The following TMEM267 variants were observed in gnomAD, a reference collection of about 807,000 sequenced individuals.
TMEM267 encodes the protein transmembrane protein C5orf28.
A neutral mutation model predicts 19.3 loss-of-function variants in TMEM267; 20 were observed. The ratio of observed to expected loss-of-function variants is 1.04; its 90% CI spans 0.73 to 1.51. TMEM267 has a LOEUF of 1.51. Ranked by LOEUF, TMEM267 falls within the 40% of genes most tolerant of loss-of-function variation. The probability of loss-of-function intolerance (pLI) is 0.00; values close to 1 mark genes in which losing one functional copy is unlikely to be tolerated. For synonymous variants in TMEM267, 88 were observed against 90.3 expected (o/e 0.97, Z 0.15); for missense variants, 242 against 261.9 (o/e 0.92, Z 0.52).
rs145522841 is a variant in TMEM267 at position 43,450,069 on chromosome 5, A to G, written c.313-3512T>C. Among the ~76,000 whole-genome samples, 97 of 150,970 alleles carry G rather than the reference A, an allele frequency of 6.4e-4. No homozygotes were observed. In the East Asian group the frequency reaches 0.015, roughly 24 times the overall value. ...GAGTATAGTGGCACAATCTTAGCTCACTGTAACCTCAAACTCCTGGGCTCA... is the reference window on the plus strand; with the variant it reads ...GAGTATAGTGGCACAATCTTAGCTCGCTGTAACCTCAAACTCCTGGGCTCA... On this transcript the variant is annotated intron_variant, in intron 2 of 2. Transcript: ENST00000397080.
chr5:43,447,731 T>G (rs1413390983), intron 2 of TMEM267, among the ~76,000 whole-genome samples: 1 of 152,194 alleles, frequency 6.6e-6, no homozygotes, highest in African/African-American at 2.4e-5. Context: ...CAGTGGGTTC[T>G]CTCTCTCACA....
intron 1 of TMEM267, among the ~76,000 whole-genome samples, chr5:43,458,205 A>C (rs1743061821): frequency 6.6e-6 from 1 of 151,932 alleles, no homozygotes. Context: ...GGCTCATGAG[A>C]TCCCCCTGCC....
rs577399313 is a variant in TMEM267 at position 43,474,643 on chromosome 5, C to T, written c.-75+9179G>A. On this transcript the variant is annotated intron_variant, in intron 1 of 2. Coordinates refer to ENST00000397080, the MANE Select transcript of TMEM267 (RefSeq NM_022483.5). ...GCGTGGTGGTGCATGCTTGTAATCC[C>T]GGCTACTCGGGAGGATGAGGCAGGA... is the stretch of plus-strand genomic sequence containing the variant. 7.9e-5 allele frequency among the ~76,000 whole-genome samples: 12 copies of T among 151,788 alleles called. No homozygotes were observed. In the South Asian group the frequency reaches 8.3e-4, roughly 11 times the overall value.
intron 2 of TMEM267, 76 bp from the exon 3 acceptor site, chr5:43,446,633 TA>T: frequency 1.1e-6 from 1 of 920,042 alleles, no homozygotes; most frequent in African/African-American, 1.7e-5. Flanking sequence ...CTTAATATTT[TA>T]AAATATTTTC....
intron 1 of TMEM267, among the ~76,000 whole-genome samples, chr5:43,467,890 T>A (rs191677090): frequency 3.6e-4 from 55 of 152,298 alleles, no homozygotes; most frequent in Non-Finnish European, 5.6e-4. Context: ...ACCTGTGACC[T>A]GGAAGCCCTC....
intron 2 of TMEM267, among the ~76,000 whole-genome samples, chr5:43,449,652 T>C (rs1742463115): frequency 6.6e-6 from 1 of 152,132 alleles, no homozygotes; most frequent in Non-Finnish European, 1.5e-5. Context: ...ATTGGATTTC[T>C]CCCCCCAACA....
chr5:43,462,577 A>C (rs1027142019), intron 1 of TMEM267, among the ~76,000 whole-genome samples: 2 of 152,216 alleles, frequency 1.3e-5, no homozygotes, highest in African/African-American at 2.4e-5. Context: ...GATAAATTTA[A>C]CAAAAAGATT....
chr5:43,461,943 T>A (rs1051487179), intron 1 of TMEM267, among the ~76,000 whole-genome samples: 3 of 152,124 alleles, frequency 2.0e-5, no homozygotes, highest in East Asian at 3.9e-4. Context: ...ACAGCAAACA[T>A]AGGCAGTAGC....
At chr5:43,450,701 A>C (rs907598744) in intron 2 of TMEM267, among the ~76,000 whole-genome samples, 2 of 152,244 alleles carry the variant, frequency 1.3e-5, no homozygotes, top group South Asian at 2.1e-4. Flanking sequence ...TAAAGGATAA[A>C]TACGTTATGC....
At chr5:43,477,146 C>T (rs1387343542) in intron 1 of TMEM267, among the ~76,000 whole-genome samples, 3 of 151,966 alleles carry the variant, frequency 2.0e-5, no homozygotes, top group Non-Finnish European at 2.9e-5. Context: ...AAACTACGAT[C>T]GCCCTACTGC....
intron 1 of TMEM267, among the ~76,000 whole-genome samples, chr5:43,481,508 CATG>C (rs1292568594): frequency 1.3e-5 from 2 of 152,118 alleles, no homozygotes; most frequent in Non-Finnish European, 2.9e-5. Context: ...GAAGTATTTA[CATG>C]ATGATCCAAA....
Position 43,444,651 on chromosome 5 carries a change from A to C in TMEM267, c.*1571T>G, listed in dbSNP as rs2111982541. 1 of 152,260 alleles carries C rather than the reference A, an allele frequency of 6.6e-6. No homozygotes were observed. Among genetic ancestry groups the C allele is most frequent in the East Asian group, 1.9e-4 (1 of 5,190 alleles). 9.4% of individuals were successfully genotyped at this position (152,260 alleles called of 1,614,324 possible). A position where few individuals can be genotyped will look rare whatever the true frequency, so the allele number is the denominator to read the frequency against. On this transcript the variant is annotated 3_prime_UTR_variant, in exon 3 of 3. Coordinates refer to ENST00000397080, the MANE Select transcript of TMEM267 (RefSeq NM_022483.5). ...TTTAATATGAAGAAAGAAAAAGTAG[A>C]AAAGGTTTTGCAATTTAGTCAGGAA...
At chr5:43,480,929 C>A (rs1744724623) in intron 1 of TMEM267, among the ~76,000 whole-genome samples, 1 of 150,020 alleles carries the variant, frequency 6.7e-6, no homozygotes, top group East Asian at 2.0e-4. Context: ...CTCAGCCTCC[C>A]GAGTAGCTGG....
At chr5:43,463,028 C>G (rs1052061133) in intron 1 of TMEM267, among the ~76,000 whole-genome samples, 9 of 151,778 alleles carry the variant, frequency 5.9e-5, no homozygotes, top group African/African-American at 2.2e-4. Flanking sequence ...CCAACAAAAT[C>G]GATAGACCGC....
At chr5:43,466,049 T>C (rs1052579869) in intron 1 of TMEM267, among the ~76,000 whole-genome samples, 1 of 152,016 alleles carries the variant, frequency 6.6e-6, no homozygotes, top group Non-Finnish European at 1.5e-5. Context: ...TTATTGGCTG[T>C]AAAGATGAGA....
At chr5:43,468,188 T>C (rs1743861194) in intron 1 of TMEM267, among the ~76,000 whole-genome samples, 1 of 152,126 alleles carries the variant, frequency 6.6e-6, no homozygotes, top group Non-Finnish European at 1.5e-5. Flanking sequence ...GTTAAAAGGA[T>C]AAATGGTTAC....
At chr5:43,463,607 T>C (rs1193067602) in intron 1 of TMEM267, among the ~76,000 whole-genome samples, 1 of 152,180 alleles carries the variant, frequency 6.6e-6, no homozygotes, top group East Asian at 1.9e-4. Flanking sequence ...CAGCCCACCA[T>C]GATCAAGTGG....
chr5:43,464,822 C>G (rs1743535925), intron 1 of TMEM267, among the ~76,000 whole-genome samples: 1 of 152,178 alleles, frequency 6.6e-6, no homozygotes, highest in Non-Finnish European at 1.5e-5. Context: ...GGATTAAAGA[C>G]TTAAGTGTTA....
chr5:43,465,354 C>T (rs1260624473), intron 1 of TMEM267, among the ~76,000 whole-genome samples: 2 of 152,238 alleles, frequency 1.3e-5, no homozygotes, highest in Non-Finnish European at 2.9e-5. Flanking sequence ...GACACTTTTA[C>T]ACTGTTGGTG....
Sources: gnomAD v4.1 joint callset for allele counts (sites outside exome capture counted in the v4.1 genomes callset) on GRCh38, gnomAD v4.1.1 for gene constraint, MANE v1.5 for transcripts, NCBI Gene and HGNC (gene_info 2026-07-23, HGNC 2026-07-21) for gene names.